Variants in ZNF292 observed in about 807,000 individuals in gnomAD.
ZNF292 encodes the protein 16 zinc-finger domain protein.
In ZNF292, 26 loss-of-function variants were observed where a neutral mutation model predicts 217.9. The ratio of observed to expected loss-of-function variants is 0.12; its 90% CI spans 0.09 to 0.17. The LOEUF is 0.17. Among genes scored for constraint, ZNF292 ranks in the 10% least tolerant of loss-of-function variants. The probability of loss-of-function intolerance (pLI) is 1.00; values close to 1 mark genes in which losing one functional copy is unlikely to be tolerated. For missense variants in ZNF292, 2,904 were observed against 3,175.2 expected (o/e 0.91, Z 2.05); for synonymous variants, 1,257 against 1,124.1 (o/e 1.12, Z -2.37).
At chr6:87,227,393 A>T (rs1186655699) in intron 4 of ZNF292, among the ~76,000 whole-genome samples, 1 of 152,026 alleles carries the variant, frequency 6.6e-6, no homozygotes, top group Admixed American at 6.6e-5. Flanking sequence ...TTTTTTTTTG[A>T]CCAACAATGC....
intron 1 of ZNF292, among the ~76,000 whole-genome samples, chr6:87,167,929 T>C (rs143652720): frequency 2.6e-5 from 4 of 152,308 alleles, no homozygotes; most frequent in African/African-American, 9.6e-5. Flanking sequence ...AAAAGGACTC[T>C]TAGTGAAGCT....
chr6:87,180,754 T>TA (rs1771448267), intron 1 of ZNF292, among the ~76,000 whole-genome samples: 1 of 152,194 alleles, frequency 6.6e-6, no homozygotes, highest in South Asian at 2.1e-4. Flanking sequence ...GAACCCTAGT[T>TA]ATGGGGAGTG....
At chr6:87,214,431 G>GAT (rs1772641321) in intron 1 of ZNF292, among the ~76,000 whole-genome samples, 1 of 152,122 alleles carries the variant, frequency 6.6e-6, no homozygotes, top group South Asian at 2.1e-4. Context: ...GAAGGTTTGG[G>GAT]ATATAATGGG....
intron 1 of ZNF292, among the ~76,000 whole-genome samples, chr6:87,174,492 G>A (rs939233410): frequency 2.0e-5 from 3 of 152,158 alleles, no homozygotes; most frequent in African/African-American, 7.2e-5. Context: ...CAGCACTGTT[G>A]GCAGGGGTCA....
In ZNF292 at chr6:87,254,666, T is replaced by A; in HGVS notation, c.1037T>A (p.Leu346His). Reference sequence around the variant, plus strand: ...TTTTCACAGACTGAAGGGGCTGGACTTGCTACCTGTATAGAACTGTGTGTA... The same window carrying A: ...TTTTCACAGACTGAAGGGGCTGGACATGCTACCTGTATAGAACTGTGTGTA... ...VINSETEGAGLATCIELCVKA... is the reference protein window; with the variant it reads ...VINSETEGAGHATCIELCVKA... Residue 346 changes from leucine (L) to histidine (H), a missense_variant, in exon 8 of 8, where the codon CTT becomes CAT. Physicochemically the swap from Leu to His is moderately conservative, Grantham distance 99 (BLOSUM62 -3). Coordinates refer to ENST00000369577, the MANE Select transcript of ZNF292 (RefSeq NM_015021.3). 6.2e-7 allele frequency: 1 copy of A among 1,606,524 alleles called. No individual in the cohort carries two copies. The highest frequency in any genetic ancestry group is 8.5e-7 in the Non-Finnish European group (1 of 1,174,418).
Position 87,258,381 on chromosome 6 carries a change from G to A in ZNF292, c.4752G>A (p.Leu1584=), listed in dbSNP as rs758276972. ...DLLLKTVENG[L]CSSSFPNSGG... ...TACTGAAGACTGTTGAAAATGGTTT[G>A]TGCTCTAGTTCATTTCCTAATTCTG... The change falls in exon 8 of 8, where the codon TTG becomes TTA. Residue 1584 remains leucine, a synonymous_variant. Transcript: ENST00000369577. The A allele has an allele frequency of 2.5e-5, 40 of 1,613,510 alleles. No individual in the cohort carries two copies. Among genetic ancestry groups the A allele is most frequent in the Admixed American group, 3.3e-5 (2 of 59,886 alleles).
In ZNF292 at chr6:87,260,371, A is replaced by G. The variant is rs780960538; in HGVS notation, c.6742A>G (p.Ser2248Gly). The G allele has an allele frequency of 6.2e-7, 1 of 1,613,588 alleles. No homozygotes were observed. The highest frequency in any genetic ancestry group is 8.5e-7 in the Non-Finnish European group (1 of 1,179,640). ...EADHGIGLRA[S>G]KTEEDGVYKC... ...AGACCACGGGATTGGACTAAGGGCAAGTAAAACAGAAGAAGATGGTGTATA... is the reference window on the plus strand; with the variant it reads ...AGACCACGGGATTGGACTAAGGGCAGGTAAAACAGAAGAAGATGGTGTATA... The change falls in exon 8 of 8, where the codon AGT becomes GGT. Residue 2248 changes from serine to glycine, a missense_variant. Ser to Gly is a moderately conservative substitution (Grantham distance 56). This residue lies in a region of ZNF292 where 55 missense variants were observed against 99.8 expected (regional missense o/e 0.55). Coordinates refer to ENST00000369577, the MANE Select transcript of ZNF292 (RefSeq NM_015021.3).
chr6:87,171,802 C>A (rs1362705553), intron 1 of ZNF292, among the ~76,000 whole-genome samples: 1 of 152,092 alleles, frequency 6.6e-6, no homozygotes, highest in Non-Finnish European at 1.5e-5. Context: ...TGGTTTGCAC[C>A]CTTTCATTGT....
rs755055976 is a variant in ZNF292 at position 87,254,880 on chromosome 6, T to C, written c.1251T>C (p.Tyr417=). The C allele has an allele frequency of 3.9e-5, 63 of 1,613,674 alleles. No homozygotes were observed. In the East Asian group the frequency reaches 7.1e-4, roughly 18 times the overall value. ...TGTATAATCAGCCAGACCAGAAATA[T>C]GATGAAGAGAATCTTCCAATACCAA... ...EMLYNQPDQK[Y]DEENLPIPNS... The change falls in exon 8 of 8, where the codon TAT becomes TAC. Residue 417 remains tyrosine, a synonymous_variant. Transcript: ENST00000369577.
rs77603316 is a variant in ZNF292 at position 87,177,969 on chromosome 6, A to G, written c.168+22210A>G. On this transcript the variant is annotated intron_variant, in intron 1 of 7. Coordinates refer to ENST00000369577, the MANE Select transcript of ZNF292 (RefSeq NM_015021.3). ...TTTTTTTGTAGTCTTAGGGCTTTGT[A>G]GTCTGTTCTTATACTACAGCTTATG... 9.4e-3 allele frequency among the ~76,000 whole-genome samples: 1,437 copies of G among 152,168 alleles called. 19 individuals are homozygous for G. The highest frequency in any genetic ancestry group is 0.033 in the African/African-American group (1,353 of 41,494).
chr6:87,164,498 T>A (rs1406791715), intron 1 of ZNF292, among the ~76,000 whole-genome samples: 1 of 152,194 alleles, frequency 6.6e-6, no homozygotes, highest in Non-Finnish European at 1.5e-5. Context: ...TAGGGACCAT[T>A]TCTATAACAC....
intron 1 of ZNF292, among the ~76,000 whole-genome samples, chr6:87,198,527 G>T (rs551307456): frequency 5.9e-5 from 9 of 152,272 alleles, no homozygotes; most frequent in East Asian, 3.9e-4. Context: ...TGTGTTCCAT[G>T]TTAGTCATTT....
Position 87,261,175 on chromosome 6 carries a change from G to A in ZNF292, c.7546G>A (p.Glu2516Lys). The A allele has an allele frequency of 6.2e-7, 1 of 1,613,058 alleles. No individual in the cohort carries two copies. The highest frequency in any genetic ancestry group is 2.2e-5 in the East Asian group (1 of 44,864). ...TTCAAATGTAAGTAATGATTTTCAG[G>A]AAGATAACCTCTGCCAGTCAGAAAG... ...TSSNVSNDFQ[E>K]DNLCQSERQK... Residue 2516 changes from glutamate (E) to lysine (K), a missense_variant, in exon 8 of 8, where the codon GAA (glutamate) becomes AAA (lysine). Glu to Lys is a moderately conservative substitution (Grantham distance 56). This residue lies in a region of ZNF292 where 380 missense variants were observed against 355.3 expected (regional missense o/e 1.07). Transcript: ENST00000369577.
intron 7 of ZNF292, among the ~76,000 whole-genome samples, chr6:87,251,507 A>G (rs1351699458): frequency 6.6e-6 from 1 of 152,180 alleles, no homozygotes; most frequent in East Asian, 1.9e-4. Context: ...TTTTCCTGGA[A>G]AGGGATTGAG....
intron 5 of ZNF292, among the ~76,000 whole-genome samples, chr6:87,237,368 A>C (rs559187443): frequency 1.3e-5 from 2 of 152,064 alleles, no homozygotes; most frequent in Admixed American, 6.5e-5. Context: ...CAGCCTCCCA[A>C]GTAGCTGGGA....
intron 1 of ZNF292, 46 bp downstream of exon 1, chr6:87,155,805 G>A (rs766196225): frequency 6.6e-7 from 1 of 1,516,048 alleles, no homozygotes; most frequent in South Asian, 1.3e-5. Context: ...AGCTAGAGGG[G>A]GAAGAGGGCG....
At chr6:87,196,994 G>A (rs961452459) in intron 1 of ZNF292, among the ~76,000 whole-genome samples, 5 of 152,324 alleles carry the variant, frequency 3.3e-5, no homozygotes, top group Non-Finnish European at 7.4e-5. Flanking sequence ...AATTCTTGCA[G>A]TGTGACAAGA....
In ZNF292 at chr6:87,218,183, G is replaced by A. The variant is rs1481798662; in HGVS notation, c.403-413G>A. Among the ~76,000 whole-genome samples the A allele has an allele frequency of 5.3e-5, 8 of 151,952 alleles. No individual in the cohort carries two copies. The South Asian group carries it at 6.2e-4, about 12-fold the overall frequency. ...TTTCTTTTTGTAATTCCCTTTTATT[G>A]GAATATGCATAAGTTGTCACTTAGT... On this transcript the variant is annotated intron_variant, in intron 3 of 7. Coordinates refer to ENST00000369577, the MANE Select transcript of ZNF292 (RefSeq NM_015021.3).
chr6:87,255,140 A>G lies in ZNF292; in HGVS notation c.1511A>G (p.Asn504Ser). The part of the protein sequence containing the change: ...MNGLSGGVGA[N>S]SGLLKDIGDE... ...GGGCTTTCTGGTGGAGTTGGTGCTA[A>G]TTCTGGCCTTCTTAAAGACATTGGT... Residue 504 changes from asparagine to serine, a missense_variant, in exon 8 of 8, where the codon AAT becomes AGT. Around this residue, in one of 15 missense-constraint regions of ZNF292, gnomAD observed 87 missense variants for 99.6 expected, o/e 0.87. Coordinates refer to ENST00000369577, the MANE Select transcript of ZNF292 (RefSeq NM_015021.3). The G allele has an allele frequency of 6.2e-7, 1 of 1,613,776 alleles. No individual in the cohort carries two copies.
Sources: allele counts gnomAD v4.1 joint callset (sites outside exome capture counted in the v4.1 genomes callset), GRCh38; gene constraint gnomAD v4.1.1; regional missense constraint gnomAD v4.1.1; transcripts MANE v1.5; gene names NCBI Gene and HGNC (gene_info 2026-07-23, HGNC 2026-07-21).